TENM3: variants seen among roughly 807,000 people sequenced by gnomAD.
TENM3 encodes the protein teneurin transmembrane protein 3, also known as teneurin-3.
A neutral mutation model predicts 255.1 loss-of-function variants in TENM3; 63 were observed. The observed-to-expected ratio is 0.25, with a 90% CI of 0.20 to 0.30. The LOEUF (loss-of-function observed/expected upper bound fraction) is 0.30. TENM3 is among the 10% of genes least tolerant of loss of function. The probability of loss-of-function intolerance (pLI) is 1.00; values close to 1 mark genes in which losing one functional copy is unlikely to be tolerated. For synonymous variants in TENM3, 1,306 were observed against 1,322.3 expected (o/e 0.99, Z 0.27); for missense variants, 2,929 against 3,461.1 (o/e 0.85, Z 3.86).
At chr4:182,228,300 A>G (rs941344523) in intron 1 of TENM3, among the ~76,000 whole-genome samples, 1 of 151,508 alleles carries the variant, frequency 6.6e-6, no homozygotes, top group African/African-American at 2.4e-5. Flanking sequence ...CCATTTTACT[A>G]TCTATATGTG....
the TENM3 span, among the ~76,000 whole-genome samples, chr4:182,057,288 CAA>C: frequency 1.2e-4 from 17 of 136,212 alleles, no homozygotes; most frequent in African/African-American, 2.4e-4. Context: ...AGAAATTTCT[CAA>C]AGAGAGAGAG....
intron 1 of TENM3, among the ~76,000 whole-genome samples, chr4:182,236,827 A>T (rs987183052): frequency 1.3e-5 from 2 of 152,216 alleles, no homozygotes; most frequent in African/African-American, 4.8e-5. Context: ...TGCAATATTA[A>T]ACCCAGAGAT....
intron 1 of TENM3, 95 bp from the exon 2 acceptor site, chr4:182,323,851 A>G: frequency 1.6e-6 from 1 of 607,636 alleles, no homozygotes; most frequent in Non-Finnish European, 2.9e-6. Flanking sequence ...AAGCAATACT[A>G]TTGTTTCCTA....
chr4:181,721,014 A>G, the TENM3 span, among the ~76,000 whole-genome samples: 1 of 152,098 alleles, frequency 6.6e-6, no homozygotes, highest in South Asian at 2.1e-4. Context: ...TGCCTGATCC[A>G]GATGAGCATG....
chr4:182,514,913 G>C (rs553371826), intron 3 of TENM3, among the ~76,000 whole-genome samples: 2 of 152,320 alleles, frequency 1.3e-5, no homozygotes, highest in East Asian at 1.9e-4. Context: ...TACAGAGAGA[G>C]AGGAAGCAGC....
chr4:181,631,737 A>T, the TENM3 span, among the ~76,000 whole-genome samples: 1 of 152,188 alleles, frequency 6.6e-6, no homozygotes, highest in Admixed American at 6.5e-5. Context: ...TGATCTAATC[A>T]TCATATTCAG....
the TENM3 span, among the ~76,000 whole-genome samples, chr4:181,665,794 A>G: frequency 1.4e-4 from 21 of 152,144 alleles, no homozygotes; most frequent in African/African-American, 5.1e-4. Flanking sequence ...TAATCATTAA[A>G]TTAAAAGCAA....
chr4:182,264,996 A>G (rs1161975426), intron 1 of TENM3, among the ~76,000 whole-genome samples: 1 of 151,572 alleles, frequency 6.6e-6, no homozygotes, highest in East Asian at 1.9e-4. Context: ...CTTAATGCAC[A>G]CGAGAGGCCC....
the TENM3 span, among the ~76,000 whole-genome samples, chr4:181,737,636 G>A: frequency 6.6e-6 from 1 of 151,946 alleles, no homozygotes; most frequent in Non-Finnish European, 1.5e-5. Context: ...AACATGTTCT[G>A]TCCTCAGTCT....
chr4:182,133,912 GT>G, the TENM3 span, among the ~76,000 whole-genome samples: 1 of 152,148 alleles, frequency 6.6e-6, no homozygotes, highest in Admixed American at 6.5e-5. Context: ...GAGTAAGAAT[GT>G]TCTGGAAGAC....
the TENM3 span, among the ~76,000 whole-genome samples, chr4:181,703,094 G>A: frequency 6.6e-6 from 1 of 152,186 alleles, no homozygotes; most frequent in Non-Finnish European, 1.5e-5. Context: ...GGATCACACA[G>A]TAAGCACTGG....
the TENM3 span, among the ~76,000 whole-genome samples, chr4:181,918,973 G>A: frequency 6.6e-6 from 1 of 152,086 alleles, no homozygotes; most frequent in African/African-American, 2.4e-5. Flanking sequence ...TGCATATATT[G>A]AATTTTCAGA....
the TENM3 span, among the ~76,000 whole-genome samples, chr4:181,783,449 AT>A: frequency 6.6e-5 from 10 of 151,970 alleles, no homozygotes; most frequent in African/African-American, 2.4e-4. Context: ...TGTAAAATTC[AT>A]TGTCAAATCT....
chr4:181,530,403 C>A, the TENM3 span, among the ~76,000 whole-genome samples: 1 of 152,164 alleles, frequency 6.6e-6, no homozygotes, highest in African/African-American at 2.4e-5. Context: ...AGCAAAGCAG[C>A]AAAGTTGAGT....
chr4:181,625,433 C>G, the TENM3 span, among the ~76,000 whole-genome samples: 1 of 152,158 alleles, frequency 6.6e-6, no homozygotes, highest in African/African-American at 2.4e-5. Flanking sequence ...CAGCAGAGGA[C>G]TCCATCCCAG....
intron 3 of TENM3, among the ~76,000 whole-genome samples, chr4:182,487,741 A>G (rs972456430): frequency 9.2e-5 from 14 of 152,194 alleles, no homozygotes; most frequent in Non-Finnish European, 1.9e-4. Flanking sequence ...ACATAATCAC[A>G]TGATAGATGC....
chr4:181,660,424 A>G, the TENM3 span, among the ~76,000 whole-genome samples: 1 of 152,188 alleles, frequency 6.6e-6, no homozygotes, highest in Non-Finnish European at 1.5e-5. Flanking sequence ...AATAAATGTT[A>G]AAGCAATTAC....
At chr4:182,352,369 C>T (rs140200158) in intron 3 of TENM3, among the ~76,000 whole-genome samples, 81 of 152,194 alleles carry the variant, frequency 5.3e-4, no homozygotes, top group African/African-American at 1.7e-3. Flanking sequence ...TGCTCCTTCC[C>T]CTCCTGGCCA....
intron 1 of TENM3, among the ~76,000 whole-genome samples, chr4:182,184,307 C>G (rs1380768415): frequency 6.6e-6 from 1 of 152,238 alleles, no homozygotes; most frequent in East Asian, 1.9e-4. Context: ...CACTGGGCCT[C>G]TGGGGAGTTA....
Sources: allele counts gnomAD v4.1 joint callset (sites outside exome capture counted in the v4.1 genomes callset), GRCh38; gene constraint gnomAD v4.1.1; transcripts MANE v1.5; gene names NCBI Gene and HGNC (gene_info 2026-07-23, HGNC 2026-07-21).